Variants in DCC observed in about 807,000 individuals in gnomAD.
DCC encodes the protein DCC netrin 1 receptor, also known as netrin receptor DCC.
A neutral mutation model predicts 172.5 loss-of-function variants in DCC; 58 were observed. That is an observed-to-expected ratio of 0.34 (90% CI 0.27 to 0.42). DCC has a LOEUF of 0.42. Ranked by LOEUF, DCC falls within the 10% of genes least tolerant of loss-of-function variation. The pLI, the probability that DCC is intolerant of heterozygous loss-of-function variation, is 1.00. For synonymous variants in DCC, 709 were observed against 644.5 expected (o/e 1.10, Z -1.52); for missense variants, 1,740 against 1,791.0 (o/e 0.97, Z 0.51).
At chr18:53,215,999 A>G (rs900626315) in intron 12 of DCC, among the ~76,000 whole-genome samples, 1 of 152,198 alleles carries the variant, frequency 6.6e-6, no homozygotes, top group African/African-American at 2.4e-5. Context: ...CACATTACTT[A>G]GAATTGAATA....
chr18:53,055,822 C>T (rs2042396575), intron 5 of DCC, among the ~76,000 whole-genome samples: 1 of 152,028 alleles, frequency 6.6e-6, no homozygotes, highest in African/African-American at 2.4e-5. Flanking sequence ...GATGCATCAT[C>T]ACAGCACCTT....
chr18:52,955,055 T>C (rs1304492228), intron 5 of DCC, among the ~76,000 whole-genome samples: 1 of 152,174 alleles, frequency 6.6e-6, no homozygotes, highest in African/African-American at 2.4e-5. Flanking sequence ...TATTGAGACA[T>C]GATTATCACC....
intron 5 of DCC, among the ~76,000 whole-genome samples, chr18:52,967,284 C>T (rs922823734): frequency 3.3e-5 from 5 of 152,104 alleles, no homozygotes; most frequent in African/African-American, 1.2e-4. Flanking sequence ...AAATCCAACC[C>T]AAACGCCTCT....
At chr18:52,691,649 A>G (rs1391059724) in intron 1 of DCC, among the ~76,000 whole-genome samples, 1 of 152,116 alleles carries the variant, frequency 6.6e-6, no homozygotes, top group African/African-American at 2.4e-5. Context: ...TGCCCACTGT[A>G]ATCCAGGATG....
chr18:53,372,443 A>G (rs1212172480), intron 15 of DCC, among the ~76,000 whole-genome samples: 1 of 152,048 alleles, frequency 6.6e-6, no homozygotes, highest in South Asian at 2.1e-4. Context: ...AACAGCAGAC[A>G]CTGAGGCCTA....
chr18:52,780,993 C>G (rs980230726), intron 2 of DCC, among the ~76,000 whole-genome samples: 1 of 151,708 alleles, frequency 6.6e-6, no homozygotes, highest in African/African-American at 2.4e-5. Context: ...GACAGATTAA[C>G]AAGAAAAAAA....
intron 1 of DCC, among the ~76,000 whole-genome samples, chr18:52,610,199 A>C (rs529600126): frequency 2.4e-5 from 1 of 41,932 alleles, no homozygotes; most frequent in African/African-American, 1.1e-4. Context: ...ATATATATAT[A>C]TATATATATA....
chr18:52,427,486 A>T (rs1343700435), intron 1 of DCC, among the ~76,000 whole-genome samples: 1 of 152,140 alleles, frequency 6.6e-6, no homozygotes. Context: ...ACAAGATGTC[A>T]GGTTTGCACA....
intron 12 of DCC, among the ~76,000 whole-genome samples, chr18:53,219,051 C>T (rs558378132): frequency 2.6e-5 from 4 of 152,192 alleles, no homozygotes; most frequent in African/African-American, 9.6e-5. Context: ...TGAAAAGTCA[C>T]GTGTCTCAGT....
chr18:52,972,266 T>C (rs2145588300), intron 5 of DCC, among the ~76,000 whole-genome samples: 1 of 152,310 alleles, frequency 6.6e-6, no homozygotes, highest in African/African-American at 2.4e-5. Context: ...TCAATTGAGT[T>C]ATTATTTTAA....
intron 5 of DCC, among the ~76,000 whole-genome samples, chr18:52,992,778 C>T (rs2041414302): frequency 6.6e-6 from 1 of 152,046 alleles, no homozygotes; most frequent in Non-Finnish European, 1.5e-5. Flanking sequence ...GAGTTTGAGA[C>T]CACCCTGGCC....
At chr18:53,199,049 T>C (rs1425824487) in intron 9 of DCC, among the ~76,000 whole-genome samples, 1 of 151,276 alleles carries the variant, frequency 6.6e-6, no homozygotes, top group African/African-American at 2.4e-5. Context: ...TCACATCTAA[T>C]TCCCATTGTT....
chr18:52,557,243 T>G (rs2032937622), intron 1 of DCC, among the ~76,000 whole-genome samples: 1 of 152,224 alleles, frequency 6.6e-6, no homozygotes, highest in South Asian at 2.1e-4. Context: ...AAGAGGTTTT[T>G]AGTTACAAAA....
At chr18:53,433,035 A>G (rs1296388738) in intron 21 of DCC, among the ~76,000 whole-genome samples, 3 of 152,096 alleles carry the variant, frequency 2.0e-5, no homozygotes, top group Non-Finnish European at 4.4e-5. Context: ...GTTGAGAATT[A>G]CATGATTTCC....
At chr18:53,235,045 T>C (rs538457962) in intron 12 of DCC, among the ~76,000 whole-genome samples, 5 of 152,326 alleles carry the variant, frequency 3.3e-5, no homozygotes, top group African/African-American at 9.6e-5. Context: ...TTCATTCTAA[T>C]GTTAATGATG....
chr18:53,018,069 A>G (rs2041832650), intron 5 of DCC, among the ~76,000 whole-genome samples: 1 of 152,190 alleles, frequency 6.6e-6, no homozygotes, highest in South Asian at 2.1e-4. Flanking sequence ...CAATTGCTTG[A>G]GAAATTCCTT....
At chr18:52,592,980 G>A (rs1468486920) in intron 1 of DCC, among the ~76,000 whole-genome samples, 1 of 152,052 alleles carries the variant, frequency 6.6e-6, no homozygotes, top group African/African-American at 2.4e-5. Flanking sequence ...CCACTATCAA[G>A]GCTCGATTTA....
intron 9 of DCC, among the ~76,000 whole-genome samples, chr18:53,193,575 C>G (rs1298090398): frequency 1.3e-5 from 2 of 151,974 alleles, no homozygotes; most frequent in Admixed American, 6.6e-5. Flanking sequence ...GGATTTGAAC[C>G]CTAAATCTCT....
At chr18:52,831,012 C>T (rs1213310215) in intron 2 of DCC, among the ~76,000 whole-genome samples, 31 of 151,856 alleles carry the variant, frequency 2.0e-4, no homozygotes, top group Non-Finnish European at 5.9e-5. Flanking sequence ...GGGCAAGTCT[C>T]GGTATTAGTA....
Sources: gnomAD v4.1 joint callset for allele counts (sites outside exome capture counted in the v4.1 genomes callset) on GRCh38, gnomAD v4.1.1 for gene constraint, MANE v1.5 for transcripts, NCBI Gene and HGNC (gene_info 2026-07-23, HGNC 2026-07-21) for gene names.